NREP: variants seen among roughly 807,000 people sequenced by gnomAD.
NREP encodes the protein neuronal regeneration-related protein.
NREP carries 5 observed loss-of-function variants against 8.6 expected under a neutral mutation model. The observed-to-expected ratio is 0.58, with a 90% confidence interval of 0.30 to 1.22. The LOEUF (loss-of-function observed/expected upper bound fraction) is 1.22, where lower values mean the gene tolerates loss of function less well. Among genes scored for constraint, NREP ranks in the 50% most tolerant of loss-of-function variants. The probability of loss-of-function intolerance (pLI) is 0.07; values close to 1 mark genes in which losing one functional copy is unlikely to be tolerated. For missense variants in NREP, 86 were observed against 82.5 expected (o/e 1.04, Z -0.17); for synonymous variants, 27 against 28.0 (o/e 0.96, Z 0.11).
chr5:111,773,447 G>A (rs1050514758), intron 2 of NREP, among the ~76,000 whole-genome samples: 3 of 152,136 alleles, frequency 2.0e-5, no homozygotes, highest in Non-Finnish European at 2.9e-5. Flanking sequence ...AGCAGCTAAT[G>A]TAATAGTCAA....
chr5:111,848,673 G>A (rs886718863), intron 2 of NREP, among the ~76,000 whole-genome samples: 5 of 148,114 alleles, frequency 3.4e-5, no homozygotes, highest in Non-Finnish European at 6.0e-5. Flanking sequence ...CTGCCACCTT[G>A]AAATGTGAAT....
intron 2 of NREP, among the ~76,000 whole-genome samples, chr5:111,784,391 T>C (rs1029902354): frequency 2.0e-5 from 3 of 152,178 alleles, no homozygotes; most frequent in African/African-American, 7.2e-5. Flanking sequence ...CATGAATCTT[T>C]GGTGGGCAGC....
At chr5:111,732,413 A>C (rs1354254888) in intron 3 of NREP, 1 of 152,184 alleles carries the variant, frequency 6.6e-6, no homozygotes, top group Non-Finnish European at 1.5e-5. Context: ...GAGAGCATAC[A>C]GCATTTTTTG....
chr5:111,790,091 T>C (rs751651759), intron 2 of NREP, among the ~76,000 whole-genome samples: 3 of 152,050 alleles, frequency 2.0e-5, no homozygotes, highest in Admixed American at 6.6e-5. Flanking sequence ...ACTATGTTGA[T>C]AGAAAAAGGA....
At chr5:111,812,497 T>C (rs531917958) in intron 2 of NREP, among the ~76,000 whole-genome samples, 1 of 152,272 alleles carries the variant, frequency 6.6e-6, no homozygotes, top group African/African-American at 2.4e-5. Context: ...GAAAATTGCT[T>C]TGGAATTATT....
chr5:111,760,402 A>T (rs1750935003), upstream of NREP, among the ~76,000 whole-genome samples: 1 of 152,178 alleles, frequency 6.6e-6, no homozygotes, highest in Non-Finnish European at 1.5e-5. Context: ...GACCTGACCC[A>T]AATCAGGATT....
intron 2 of NREP, among the ~76,000 whole-genome samples, chr5:111,882,095 G>C: frequency 6.6e-6 from 1 of 152,116 alleles, no homozygotes; most frequent in Non-Finnish European, 1.5e-5. Flanking sequence ...AAATGTAGAC[G>C]AATGTATAAT....
intron 2 of NREP, among the ~76,000 whole-genome samples, chr5:111,866,916 G>T (rs1270458673): frequency 6.7e-6 from 1 of 150,150 alleles, no homozygotes; most frequent in Non-Finnish European, 1.5e-5. Flanking sequence ...AACACCGCAT[G>T]TTCTCACTCA....
At chr5:111,751,625 G>C (rs912552999) in intron 2 of NREP, among the ~76,000 whole-genome samples, 1 of 152,042 alleles carries the variant, frequency 6.6e-6, no homozygotes, top group African/African-American at 2.4e-5. Flanking sequence ...CATAATCCAA[G>C]TACATTCAGT....
At chr5:111,774,077 G>GCCT (rs1418790106) in intron 2 of NREP, among the ~76,000 whole-genome samples, 2 of 152,102 alleles carry the variant, frequency 1.3e-5, no homozygotes, top group Admixed American at 6.6e-5. Context: ...TTAGACTGAA[G>GCCT]CCTCAGGACA....
At chr5:111,795,805 A>G (rs544006156) in intron 2 of NREP, among the ~76,000 whole-genome samples, 14 of 152,230 alleles carry the variant, frequency 9.2e-5, no homozygotes, top group Non-Finnish European at 2.1e-4. Flanking sequence ...AAATCAATGG[A>G]AAGCAGAATA....
At chr5:111,860,515 C>T (rs1361322083) in intron 2 of NREP, among the ~76,000 whole-genome samples, 12 of 152,028 alleles carry the variant, frequency 7.9e-5, no homozygotes. Context: ...TCAGTTAGTG[C>T]TTAGGTTACT....
chr5:111,974,381 G>C (rs1023039230), intron 2 of NREP: 3 of 144,186 alleles, frequency 2.1e-5, no homozygotes, highest in Admixed American at 7.2e-5. Context: ...TCAGGGATTG[G>C]TGGAAGCACG....
chr5:111,815,363 C>G (rs1424134937), intron 2 of NREP, among the ~76,000 whole-genome samples: 1 of 152,170 alleles, frequency 6.6e-6, no homozygotes, highest in Non-Finnish European at 1.5e-5. Flanking sequence ...ACTCTAATTT[C>G]TCTCTAGAAG....
chr5:111,853,970 G>C (rs780830059), intron 2 of NREP, among the ~76,000 whole-genome samples: 2 of 152,160 alleles, frequency 1.3e-5, no homozygotes, highest in African/African-American at 2.4e-5. Context: ...ACATGCAACA[G>C]CCAATTAAAT....
chr5:111,792,540 A>C (rs1339530582), intron 2 of NREP, among the ~76,000 whole-genome samples: 1 of 152,222 alleles, frequency 6.6e-6, no homozygotes, highest in Non-Finnish European at 1.5e-5. Context: ...AAGCCAAATA[A>C]CAACTAGGAT....
intron 2 of NREP, among the ~76,000 whole-genome samples, chr5:111,763,194 A>G (rs191433428): frequency 1.3e-4 from 20 of 152,344 alleles, no homozygotes; most frequent in African/African-American, 4.3e-4. Context: ...GTGTCTTCGT[A>G]TTAGACGATT....
At chr5:111,833,438 C>A (rs577362850) in intron 2 of NREP, among the ~76,000 whole-genome samples, 1 of 152,322 alleles carries the variant, frequency 6.6e-6, no homozygotes, top group East Asian at 1.9e-4. Context: ...TCATTCTAGA[C>A]TTTTCTCCTT....
intron 2 of NREP, among the ~76,000 whole-genome samples, chr5:111,884,494 T>C (rs528716400): frequency 2.1e-3 from 325 of 152,274 alleles, no homozygotes; most frequent in Non-Finnish European, 3.2e-3. Context: ...ATCATCCTGA[T>C]ACCAAAGCCA....
Sources: allele counts gnomAD v4.1 joint callset (sites outside exome capture counted in the v4.1 genomes callset), GRCh38; gene constraint gnomAD v4.1.1; transcripts MANE v1.5; gene names NCBI Gene and HGNC (gene_info 2026-07-23, HGNC 2026-07-21).